The following ANKRD31 variants were observed in gnomAD, a reference collection of about 807,000 sequenced individuals.
The protein encoded by ANKRD31 is ankyrin repeat domain 31.
ANKRD31 carries 147 observed loss-of-function variants against 186.0 expected under a neutral mutation model. That is an observed-to-expected ratio of 0.79 (90% CI 0.69 to 0.91). The LOEUF is 0.91. Ranked by LOEUF, ANKRD31 falls within the 40% of genes least tolerant of loss-of-function variation. The pLI is 0.00. For synonymous variants in ANKRD31, 673 were observed against 736.4 expected (o/e 0.91, Z 1.39); for missense variants, 1,986 against 2,148.8 (o/e 0.92, Z 1.50).
intron 2 of ANKRD31, among the ~76,000 whole-genome samples, chr5:75,226,527 T>G (rs749843517): frequency 7.2e-5 from 11 of 152,116 alleles, no homozygotes; most frequent in African/African-American, 2.7e-4. Flanking sequence ...TGACAAGGAA[T>G]TAATAGCCAG....
intron 17 of ANKRD31, among the ~76,000 whole-genome samples, chr5:75,136,284 C>T (rs1275322910): frequency 6.6e-6 from 1 of 152,134 alleles, no homozygotes; most frequent in East Asian, 1.9e-4. Flanking sequence ...GGCTAATATC[C>T]AGACTCTACA....
At chr5:75,227,086 G>T (rs1757676308) in intron 2 of ANKRD31, among the ~76,000 whole-genome samples, 1 of 152,078 alleles carries the variant, frequency 6.6e-6, no homozygotes, top group Admixed American at 6.5e-5. Flanking sequence ...TATACACAGT[G>T]GAGTACTATT....
chr5:75,085,621 C>T (rs1242994791), intron 23 of ANKRD31, among the ~76,000 whole-genome samples: 1 of 152,102 alleles, frequency 6.6e-6, no homozygotes, highest in Non-Finnish European at 1.5e-5. Context: ...AGGGTGGTCT[C>T]GAACTCCTGA....
chr5:75,161,665 C>T (rs1265978335), intron 11 of ANKRD31, among the ~76,000 whole-genome samples: 1 of 152,188 alleles, frequency 6.6e-6, no homozygotes, highest in East Asian at 1.9e-4. Context: ...CCCCTCCCAT[C>T]ACAGGCCCAG....
Position 75,146,254 on chromosome 5 carries a change from T to C in ANKRD31, c.3157A>G (p.Ile1053Val). The change falls in exon 14 of 26, where the codon ATT (isoleucine) becomes GTT (valine). Residue 1053 changes from isoleucine (I) to valine (V), a missense_variant. Transcript: ENST00000506364. ...TFLMNQTDTH[I>V]VEKMAKNCDT... is the part of the protein sequence containing the mutation. ...CAATTCTTTGCCATCTTTTCCACAA[T>C]ATGTGTATCTGTTTGATTCATTAAA... The C allele has an allele frequency of 2.0e-6, 3 of 1,536,450 alleles. No homozygotes were observed. Among genetic ancestry groups the C allele is most frequent in the Non-Finnish European group, 2.6e-6 (3 of 1,146,428 alleles).
chr5:75,140,269 AAG>A (rs10552660), intron 15 of ANKRD31, among the ~76,000 whole-genome samples: 1 of 35,156 alleles, frequency 2.8e-5, no homozygotes, highest in South Asian at 1.4e-3. Flanking sequence ...GAAGGAAGGA[AAG>A]AGAGAGAGAG....
chr5:75,115,491 A>G (rs1299076509), intron 19 of ANKRD31, among the ~76,000 whole-genome samples: 1 of 151,000 alleles, frequency 6.6e-6, no homozygotes, highest in Non-Finnish European at 1.5e-5. Context: ...ATGGGAGAAA[A>G]TTTTTGCAAC....
Position 75,234,719 on chromosome 5 carries a change from A to T in ANKRD31, c.104+1864T>A, listed in dbSNP as rs143635067. On this transcript the variant is annotated intron_variant, in intron 1 of 25. Transcript: ENST00000506364. ...AAACAGAAGCACTGTGTCAAAGAGTATATGTGTTTGTAATCTTGATAATTG... is the reference window on the plus strand; with the variant it reads ...AAACAGAAGCACTGTGTCAAAGAGTTTATGTGTTTGTAATCTTGATAATTG... Among the ~76,000 whole-genome samples, 90 of 152,354 alleles carry T rather than the reference A, an allele frequency of 5.9e-4. 1 individual carries two copies. The highest frequency in any genetic ancestry group is 2.1e-3 in the African/African-American group (86 of 41,572).
chr5:75,087,398 T>C (rs968154207), intron 23 of ANKRD31, among the ~76,000 whole-genome samples: 1 of 152,028 alleles, frequency 6.6e-6, no homozygotes, highest in Non-Finnish European at 1.5e-5. Context: ...TCCCAGCTAC[T>C]TGTGAGGCTG....
chr5:75,193,311 C>T lies in ANKRD31; in HGVS notation c.1298G>A (p.Arg433Lys), dbSNP rs187661021. The T allele has an allele frequency of 1.3e-6, 2 of 1,535,026 alleles. No homozygotes were observed. The highest frequency in any genetic ancestry group is 1.7e-6 in the Non-Finnish European group (2 of 1,145,874). The change falls in exon 8 of 26, where the codon AGA becomes AAA. Residue 433 changes from arginine to lysine, a missense_variant and splice_region_variant. By Grantham distance (26) the Arg-to-Lys change is conservative (BLOSUM62 2). Transcript: ENST00000506364. ...TNNNSSAQNF[R>K]MQDPALMIDG... ...ATAAAGACATAATTTCATTGCATAC[C>T]TGAAATTCTGAGCTGAAGAGTTATT...
chr5:75,187,672 G>C lies in ANKRD31; in HGVS notation c.1564+821C>G, dbSNP rs1422362488. On this transcript the variant is annotated intron_variant, in intron 10 of 25. Transcript: ENST00000506364. The stretch of plus-strand genomic sequence containing the variant: ...AGGGTTATAACAGGGCTATAACCTG[G>C]GTATGACATTTAAAATAATATCCTG... Among the ~76,000 whole-genome samples the C allele has an allele frequency of 2.6e-5, 4 of 152,022 alleles. No individual in the cohort carries two copies. The East Asian group carries it at 7.7e-4, about 29-fold the overall frequency.
chr5:75,229,867 AAAAAAAAAAAAAAAAAAAAAC>A (rs1253037223), intron 2 of ANKRD31, among the ~76,000 whole-genome samples: 1 of 98,396 alleles, frequency 1.0e-5, no homozygotes, highest in Admixed American at 9.1e-5. Flanking sequence ...TCTGTCTCAA[AAAAAAAAAAAAAAAAAAAAAC>A]AAAAAAAACA....
At chr5:75,115,821 C>T (rs1284041031) in intron 19 of ANKRD31, among the ~76,000 whole-genome samples, 1 of 151,792 alleles carries the variant, frequency 6.6e-6, no homozygotes, top group Non-Finnish European at 1.5e-5. Flanking sequence ...GGACTGTAAA[C>T]TAGTTCAACC....
In ANKRD31 at chr5:75,222,293, T is replaced by C. The variant is rs1470393076; in HGVS notation, c.244A>G (p.Lys82Glu). The C allele has an allele frequency of 1.1e-5, 17 of 1,536,838 alleles. No homozygotes were observed. The highest frequency in any genetic ancestry group is 1.4e-5 in the Non-Finnish European group (16 of 1,146,768). Residue 82 changes from lysine (K) to glutamate (E), a missense_variant, in exon 3 of 26, where the codon AAA becomes GAA. Transcript: ENST00000506364. ...LREDLQEQMN[K>E]NKMMPVLSED... Reference sequence around the variant, plus strand: ...CTAAGAACAGGCATCATCTTATTTTTATTCATTTGCTCTTGCAGATCCTCT... The same window carrying C: ...CTAAGAACAGGCATCATCTTATTTTCATTCATTTGCTCTTGCAGATCCTCT...
chr5:75,140,286 A>AAAGAAAGG (rs1169934977), intron 15 of ANKRD31, among the ~76,000 whole-genome samples: 1 of 140,840 alleles, frequency 7.1e-6, no homozygotes, highest in East Asian at 2.1e-4. Context: ...AGAGAGAAAG[A>AAAGAAAGG]AAGGAAGGAA....
intron 3 of ANKRD31, among the ~76,000 whole-genome samples, chr5:75,220,159 C>A (rs1343355854): frequency 6.6e-6 from 1 of 152,100 alleles, no homozygotes; most frequent in African/African-American, 2.4e-5. Flanking sequence ...TTAAACCAAA[C>A]AGCTTCTGCA....
intron 20 of ANKRD31, among the ~76,000 whole-genome samples, chr5:75,108,072 C>T (rs1187803582): frequency 1.3e-5 from 2 of 151,870 alleles, no homozygotes; most frequent in Non-Finnish European, 2.9e-5. Context: ...CCCACTGCTT[C>T]TTCTCTAATT....
intron 25 of ANKRD31, among the ~76,000 whole-genome samples, chr5:75,076,756 C>T (rs960837239): frequency 3.9e-5 from 6 of 152,074 alleles, no homozygotes; most frequent in Non-Finnish European, 2.9e-5. Context: ...AGCCAAGAGT[C>T]GTCTCATTAG....
chr5:75,146,594 T>C lies in ANKRD31; in HGVS notation c.2817A>G (p.Glu939=), dbSNP rs113877334. 1,660 of 1,535,334 alleles carry C rather than the reference T, an allele frequency of 1.1e-3. 14 individuals carry two copies. The African/African-American group carries it at 0.019, about 17-fold the overall frequency. The change falls in exon 14 of 26, where the codon GAA becomes GAG. Residue 939 remains glutamate (E), a synonymous_variant. Transcript: ENST00000506364. ...NFKENLTNKK[E]MGFQQFLLSE... ...AAAGTAAAAACTGTTGGAAACCCAT[T>C]TCTTTTTTATTTGTTAAATTCTCCT...
Sources: allele counts gnomAD v4.1 joint callset (sites outside exome capture counted in the v4.1 genomes callset), GRCh38; gene constraint gnomAD v4.1.1; transcripts MANE v1.5; gene names NCBI Gene and HGNC (gene_info 2026-07-23, HGNC 2026-07-21).